The following UBAP2 variants were observed in gnomAD, a reference collection of about 807,000 sequenced individuals.
UBAP2 encodes the protein ubiquitin-associated protein 2.
A neutral mutation model predicts 139.6 loss-of-function variants in UBAP2; 75 were observed. The ratio of observed to expected loss-of-function variants is 0.54; its 90% CI spans 0.45 to 0.65. The LOEUF (loss-of-function observed/expected upper bound fraction) is 0.65, where lower values mean the gene tolerates loss of function less well. UBAP2 is among the 30% of genes least tolerant of loss of function. The pLI is 0.00. For synonymous variants in UBAP2, 526 were observed against 526.2 expected, an observed-to-expected ratio of 1.00 and a Z score of 0.01; for missense variants, 1,368 against 1,369.6, an observed-to-expected ratio of 1.00 and a Z score of 0.02.
At chr9:33,951,945 A>C (rs1030372236) in intron 12 of UBAP2, among the ~76,000 whole-genome samples, 1 of 152,190 alleles carries the variant, frequency 6.6e-6, no homozygotes, top group African/African-American at 2.4e-5. Context: ...CTCAAAATAG[A>C]GAAGCCTTGG....
At chr9:34,039,847 T>A (rs1423007937) in intron 1 of UBAP2, among the ~76,000 whole-genome samples, 35 of 84,406 alleles carry the variant, frequency 4.1e-4, no homozygotes, top group East Asian at 1.6e-3. Flanking sequence ...CAATAAATAC[T>A]AAAAAAAAAA....
At chr9:33,955,793 C>T (rs1206459946) in intron 11 of UBAP2, among the ~76,000 whole-genome samples, 1 of 150,848 alleles carries the variant, frequency 6.6e-6, no homozygotes, top group East Asian at 1.9e-4. Flanking sequence ...CGCCACTGCA[C>T]TCTAGCCTGG....
intron 16 of UBAP2, among the ~76,000 whole-genome samples, chr9:33,938,147 C>T (rs889927078): frequency 6.6e-6 from 1 of 151,910 alleles, no homozygotes; most frequent in Admixed American, 6.6e-5. Flanking sequence ...CAGGTCTGTA[C>T]CATCACACCT....
At chr9:33,970,927 C>T (rs908995496) in intron 8 of UBAP2, among the ~76,000 whole-genome samples, 3 of 152,104 alleles carry the variant, frequency 2.0e-5, no homozygotes, top group African/African-American at 7.2e-5. Context: ...CTCAGCCTCC[C>T]GAGTAGCTGG....
At chr9:33,935,153 T>C (rs1824348217) in intron 17 of UBAP2, among the ~76,000 whole-genome samples, 2 of 75,636 alleles carry the variant, frequency 2.6e-5, no homozygotes, top group South Asian at 5.5e-4. Context: ...CACTGAGCTG[T>C]TGGAAGTGGC....
chr9:33,950,803 T>A (rs370501134), intron 12 of UBAP2, among the ~76,000 whole-genome samples: 24 of 152,334 alleles, frequency 1.6e-4, no homozygotes, highest in African/African-American at 5.8e-4. Context: ...CAATGACTAC[T>A]GCCATGTCCT....
chr9:33,939,895 AGGAGGAGGAGGAT>A (rs1564022223), intron 16 of UBAP2, among the ~76,000 whole-genome samples: 1 of 3,908 alleles, frequency 2.6e-4, no homozygotes, highest in African/African-American at 9.9e-4. Flanking sequence ...GGAGGAGGGG[AGGAGGAGGAGGAT>A]GGGGAGGAGA....
Position 33,933,530 on chromosome 9 carries a change from T to C in UBAP2, c.2068A>G (p.Thr690Ala). The C allele has an allele frequency of 6.2e-7, 1 of 1,613,876 alleles. No homozygotes were observed. Among genetic ancestry groups the C allele is most frequent in the Non-Finnish European group, 8.5e-7 (1 of 1,179,980 alleles). ...AGAGGGCTGCTAGTCAGGTCGCCAG[T>C]GTGCTGGGATGTGGACGGCAGAAGT... ...TALLPSTSQH[T>A]GDLTSSPLSQ... is the part of the protein sequence containing the mutation. Residue 690 changes from threonine (T) to alanine (A), a missense_variant, in exon 18 of 29, where the codon ACT becomes GCT. Thr to Ala is a moderately conservative substitution (Grantham distance 58, BLOSUM62 0). Coordinates refer to ENST00000379238, the MANE Select transcript of UBAP2 (RefSeq NM_001370062.2).
intron 13 of UBAP2, among the ~76,000 whole-genome samples, chr9:33,947,661 A>C (rs1825748051): frequency 6.6e-6 from 1 of 151,820 alleles, no homozygotes; most frequent in African/African-American, 2.4e-5. Context: ...GTCACATTAA[A>C]AAAATACAAA....
At chr9:34,031,725 C>T (rs1485381699) in intron 1 of UBAP2, among the ~76,000 whole-genome samples, 1 of 150,958 alleles carries the variant, frequency 6.6e-6, no homozygotes, top group Non-Finnish European at 1.5e-5. Flanking sequence ...GCTGAGGCTT[C>T]ACTGAGCTGA....
chr9:34,016,364 C>CGGTGGT (rs1564064359), intron 2 of UBAP2, among the ~76,000 whole-genome samples: 5 of 39,640 alleles, frequency 1.3e-4, no homozygotes, highest in African/African-American at 5.2e-4. Flanking sequence ...GCAGCGGCGG[C>CGGTGGT]AGCGGCGGTG....
At chr9:34,036,158 A>C (rs961483398) in intron 1 of UBAP2, among the ~76,000 whole-genome samples, 71 of 149,676 alleles carry the variant, frequency 4.7e-4, no homozygotes, top group African/African-American at 1.7e-3. Flanking sequence ...CTTGTTGCCC[A>C]GGCTGGAGTA....
chr9:33,963,704 T>A, intron 9 of UBAP2, 22 bp downstream of exon 9: 2 of 1,472,634 alleles, frequency 1.4e-6, no homozygotes, highest in South Asian at 2.4e-5. Flanking sequence ...ATTTTAAAAA[T>A]TAAAAAATTA....
Position 33,926,666 on chromosome 9 carries a change from T to C in UBAP2, c.2464-2A>G. The C allele has an allele frequency of 6.2e-7, 1 of 1,614,186 alleles. No individual in the cohort carries two copies. The highest frequency in any genetic ancestry group is 8.5e-7 in the Non-Finnish European group (1 of 1,180,026). ...CTGGAGCTCGTCATAGCCATAGATCTGTGTGAGAACCAGAAAGTGTATTTT... is the reference window on the plus strand; with the variant it reads ...CTGGAGCTCGTCATAGCCATAGATCCGTGTGAGAACCAGAAAGTGTATTTT... On this transcript the variant is annotated splice_acceptor_variant, in intron 21 of 28. Transcript: ENST00000379238. LOFTEE classifies it high-confidence loss of function.
In UBAP2 at chr9:33,998,877, T is replaced by TAC. The variant is rs762309818; in HGVS notation, c.100-15_100-14dup. 21 of 1,605,560 alleles carry TAC rather than the reference T, an allele frequency of 1.3e-5. No homozygotes were observed. In the East Asian group the frequency reaches 2.7e-4, roughly 20 times the overall value. On this transcript the variant is annotated splice_polypyrimidine_tract_variant and intron_variant, in intron 2 of 28. Coordinates refer to ENST00000379238, the MANE Select transcript of UBAP2 (RefSeq NM_001370062.2). ...GTTCAGCTGTTGCCTGGAAAGTACA[T>TAC]ACAATTGTTAAGGATTTGAACACCA... is the stretch of plus-strand genomic sequence containing the variant.
intron 19 of UBAP2, among the ~76,000 whole-genome samples, chr9:33,932,181 ACTCCTGCC>A (rs1824039901): frequency 6.6e-6 from 1 of 151,508 alleles, no homozygotes; most frequent in South Asian, 2.1e-4. Flanking sequence ...GTTTGCTTCC[ACTCCTGCC>A]CTCCACCATC....
At chr9:34,045,957 C>T (rs778959941) in intron 1 of UBAP2, among the ~76,000 whole-genome samples, 12 of 152,130 alleles carry the variant, frequency 7.9e-5, no homozygotes, top group Non-Finnish European at 1.8e-4. Flanking sequence ...AAAACGGCTG[C>T]TTCTAAAATC....
chr9:33,990,095 T>C (rs3860995), intron 4 of UBAP2, among the ~76,000 whole-genome samples: 1 of 152,064 alleles, frequency 6.6e-6, no homozygotes, highest in Non-Finnish European at 1.5e-5. Flanking sequence ...AAGAAAAAGA[T>C]ACTACATTCT....
rs567751968 is a variant in UBAP2 at position 33,925,558 on chromosome 9, C to T, written c.2511+1059G>A. ...AGAGCCCCTGAAGCAGAATGAATCC[C>T]GGGGCTCAGCACCACCTCCTGCAGT... On this transcript the variant is annotated intron_variant, in intron 22 of 28. Transcript: ENST00000379238. 2.1e-4 allele frequency among the ~76,000 whole-genome samples: 32 copies of T among 152,292 alleles called. 1 individual carries two copies. Among genetic ancestry groups the T allele is most frequent in the African/African-American group, 6.3e-4 (26 of 41,570 alleles).
Sources: allele counts gnomAD v4.1 joint callset (sites outside exome capture counted in the v4.1 genomes callset), GRCh38; gene constraint gnomAD v4.1.1; transcripts MANE v1.5; gene names NCBI Gene and HGNC (gene_info 2026-07-23, HGNC 2026-07-21).